Variants in BAMBI observed in about 807,000 individuals in gnomAD.
The protein encoded by BAMBI is BMP and activin membrane bound inhibitor, also known as BMP and activin membrane-bound inhibitor homolog.
In BAMBI, 21 loss-of-function variants were observed where a neutral mutation model predicts 24.1. The observed-to-expected ratio is 0.87, with a 90% CI of 0.62 to 1.26. The LOEUF is 1.26. Ranked by LOEUF, BAMBI falls within the 50% of genes most tolerant of loss-of-function variation. BAMBI has a pLI of 0.00. For missense variants in BAMBI, 388 were observed against 329.1 expected (o/e 1.18, Z -1.38); for synonymous variants, 156 against 123.1 (o/e 1.27, Z -1.77).
chr10:28,678,142 A>G (rs1753070431), intron 1 of BAMBI, among the ~76,000 whole-genome samples, 169 bp downstream of exon 1: 1 of 152,216 alleles, frequency 6.6e-6, no homozygotes, highest in African/African-American at 2.4e-5. Context: ...TGGCGCGTGG[A>G]TGCGGACTCC....
In BAMBI at chr10:28,677,867, G is replaced by A. The variant is rs550984132; in HGVS notation, c.-31G>A. ...CCGCCGAGCCGGGGCTCCGGAAGCC[G>A]GCGGGGGCGCCGCGGCCGTGCGGGG... is the stretch of plus-strand genomic sequence containing the variant. On this transcript the variant is annotated 5_prime_UTR_variant, in exon 1 of 3. Coordinates refer to ENST00000375533, the MANE Select transcript of BAMBI (RefSeq NM_012342.3). 294 of 1,484,472 alleles carry A rather than the reference G, an allele frequency of 2.0e-4. 1 individual carries two copies. The African/African-American group carries it at 3.9e-3, about 20-fold the overall frequency. The allele number at this position is 1,484,472 out of a possible 1,614,324, so 92.0% of individuals were successfully genotyped here.
At position 28,682,473 on chromosome 10, in the gene BAMBI, T is replaced by C; in HGVS notation, c.*72T>C. 2.9e-6 allele frequency: 4 copies of C among 1,366,272 alleles called. No individual in the cohort carries two copies. The highest frequency in any genetic ancestry group is 4.0e-6 in the Non-Finnish European group (4 of 994,828). 84.6% of individuals were successfully genotyped at this position (1,366,272 alleles called of 1,614,324 possible). ...TGAGTTCTGCTGGACAGGAGCACTT[T>C]ATCTGAAGACAAACTCATTTAATCA... On this transcript the variant is annotated 3_prime_UTR_variant, in exon 3 of 3. Coordinates refer to ENST00000375533, the MANE Select transcript of BAMBI (RefSeq NM_012342.3).
intron 1 of BAMBI, 22 bp downstream of exon 1, chr10:28,677,995 G>C: frequency 6.6e-7 from 1 of 1,507,602 alleles, no homozygotes. Flanking sequence ...GGGCGCACGG[G>C]GCCCGGGGTC....
chr10:28,678,482 T>C (rs962372388), intron 1 of BAMBI, among the ~76,000 whole-genome samples: 1 of 152,248 alleles, frequency 6.6e-6, no homozygotes, highest in Non-Finnish European at 1.5e-5. Flanking sequence ...TCTCTGTGTC[T>C]CTTTGAATGT....
intron 2 of BAMBI, 47 bp from the exon 3 acceptor site, chr10:28,681,936 A>G (rs1417199005): frequency 6.7e-7 from 1 of 1,502,476 alleles, no homozygotes; most frequent in East Asian, 2.3e-5. Context: ...GAATATCCCT[A>G]GGAGGAGTTA....
rs1045525611 is a variant in BAMBI, at chr10:28,677,524, C to T, written c.-374C>T. On this transcript the variant is annotated 5_prime_UTR_variant, in exon 1 of 3. Coordinates refer to ENST00000375533, the MANE Select transcript of BAMBI (RefSeq NM_012342.3). ...CGGCGCGGAGCCGGAGAGACCTGGGCTGGCGCGGGCGGGAGCTGCGGCGGA... is the reference window on the plus strand; with the variant it reads ...CGGCGCGGAGCCGGAGAGACCTGGGTTGGCGCGGGCGGGAGCTGCGGCGGA... 1.7e-4 allele frequency: 27 copies of T among 159,060 alleles called. No individual in the cohort carries two copies. The highest frequency in any genetic ancestry group is 2.9e-4 in the Non-Finnish European group (21 of 73,076). 9.9% of individuals were successfully genotyped at this position (159,060 alleles called of 1,614,324 possible). A position where few individuals can be genotyped will look rare whatever the true frequency, so the allele number is the denominator to read the frequency against.
intron 1 of BAMBI, among the ~76,000 whole-genome samples, chr10:28,680,931 A>G (rs1284028733): frequency 6.6e-6 from 1 of 152,272 alleles, no homozygotes; most frequent in East Asian, 1.9e-4. Flanking sequence ...ATGTAGGATT[A>G]AAATGAATAA....
Position 28,678,121 on chromosome 10 carries a change from C to T in BAMBI, c.76+148C>T, listed in dbSNP as rs989240034. Reference sequence around the variant, plus strand: ...CAAGTTGCTGTGTTCTTAGAAGTCGCGGCGGTGGCCTGGCGCGTGGATGCG... The same window carrying T: ...CAAGTTGCTGTGTTCTTAGAAGTCGTGGCGGTGGCCTGGCGCGTGGATGCG... On this transcript the variant is annotated intron_variant, in intron 1 of 2. Coordinates refer to ENST00000375533, the MANE Select transcript of BAMBI (RefSeq NM_012342.3). The T allele has an allele frequency of 1.2e-5, 8 of 649,432 alleles. No homozygotes were observed. In the African/African-American group the frequency reaches 1.3e-4, roughly 11 times the overall value. The allele number at this position is 649,432 out of a possible 1,614,324, so 40.2% of individuals were successfully genotyped here.
In BAMBI at chr10:28,682,443, C is replaced by G; in HGVS notation, c.*42C>G. 6.4e-7 allele frequency: 1 copy of G among 1,552,070 alleles called. No individual in the cohort carries two copies. Among genetic ancestry groups the G allele is most frequent in the African/African-American group, 1.4e-5 (1 of 73,358 alleles). Reference sequence around the variant, plus strand: ...CTACACTTACTGAACAGCTTGAAGGCCTTTTGAGTTCTGCTGGACAGGAGC... The same window carrying G: ...CTACACTTACTGAACAGCTTGAAGGGCTTTTGAGTTCTGCTGGACAGGAGC... On this transcript the variant is annotated 3_prime_UTR_variant, in exon 3 of 3. Coordinates refer to ENST00000375533, the MANE Select transcript of BAMBI (RefSeq NM_012342.3).
chr10:28,679,515 T>G (rs1355820791), intron 1 of BAMBI, among the ~76,000 whole-genome samples: 1 of 149,794 alleles, frequency 6.7e-6, no homozygotes, highest in Non-Finnish European at 1.5e-5. Flanking sequence ...TCTCCTTGCT[T>G]AAAATGTGGC....
chr10:28,682,193 C>T lies in BAMBI; in HGVS notation c.575C>T (p.Ser192Phe). The change falls in exon 3 of 3, where the codon TCC becomes TTC. Residue 192 changes from serine (S) to phenylalanine (F), a missense_variant. By Grantham distance (155) the Ser-to-Phe change is radical. Coordinates refer to ENST00000375533, the MANE Select transcript of BAMBI (RefSeq NM_012342.3). ...RLQDQRQQML[S>F]RLHYSFHGHH... ...CAGGATCAGCGGCAACAGATGCTCT[C>T]CCGTTTGCACTACAGCTTTCACGGA... 1 of 1,614,124 alleles carries T rather than the reference C, an allele frequency of 6.2e-7. No homozygotes were observed. The highest frequency in any genetic ancestry group is 8.5e-7 in the Non-Finnish European group (1 of 1,179,986).
chr10:28,678,642 T>G (rs1165955357), intron 1 of BAMBI, among the ~76,000 whole-genome samples: 2 of 147,088 alleles, frequency 1.4e-5, no homozygotes, highest in Non-Finnish European at 3.0e-5. Context: ...CATCTGAGTC[T>G]CTGTGTGAGT....
In BAMBI at chr10:28,681,254, T is replaced by G. The variant is rs189849567; in HGVS notation, c.77-4T>G. 1 of 1,608,060 alleles carries G rather than the reference T, an allele frequency of 6.2e-7. No homozygotes were observed. Among genetic ancestry groups the G allele is most frequent in the Admixed American group, 1.7e-5 (1 of 59,906 alleles). On this transcript the variant is annotated splice_polypyrimidine_tract_variant and splice_region_variant and intron_variant, in intron 1 of 2. Transcript: ENST00000375533. Reference sequence around the variant, plus strand: ...AGTTTGAGGTGGTTTCTCATTGTTTTCAGGTGAAATTCGATGCTACTGTGA... The same window carrying G: ...AGTTTGAGGTGGTTTCTCATTGTTTGCAGGTGAAATTCGATGCTACTGTGA...
In BAMBI at chr10:28,677,804, A is replaced by C; in HGVS notation, c.-94A>C. On this transcript the variant is annotated 5_prime_UTR_variant, in exon 1 of 3. Coordinates refer to ENST00000375533, the MANE Select transcript of BAMBI (RefSeq NM_012342.3). ...GCTGACGGCGCCCGCCGCTCCGGGC[A>C]GGGCCCATGCCCTGCGCGCTCCGGG... The C allele has an allele frequency of 3.3e-4, 263 of 792,252 alleles. No individual in the cohort carries two copies. The highest frequency in any genetic ancestry group is 6.9e-4 in the East Asian group (16 of 23,152). The allele number at this position is 792,252 out of a possible 1,614,324, so 49.1% of individuals were successfully genotyped here.
In BAMBI at chr10:28,682,114, G is replaced by C. The variant is rs542257648; in HGVS notation, c.496G>C (p.Val166Leu). ...GCCCATTGCTGGAGGGCTGATTTTA[G>C]TGTTGCTTATTATGTTGGCCCTGAG... Reference protein sequence around the residue: ...AVPIAGGLILVLLIMLALRML... With the variant: ...AVPIAGGLILLLLIMLALRML... Residue 166 changes from valine to leucine, a missense_variant, in exon 3 of 3, where the codon GTG (valine) becomes CTG (leucine). Coordinates refer to ENST00000375533, the MANE Select transcript of BAMBI (RefSeq NM_012342.3). 6.2e-7 allele frequency: 1 copy of C among 1,614,156 alleles called. No homozygotes were observed. The highest frequency in any genetic ancestry group is 2.2e-5 in the East Asian group (1 of 44,876).
rs371155683 is a variant in BAMBI, at chr10:28,681,549, G to C, written c.364+4G>C. 3 of 1,611,934 alleles carry C rather than the reference G, an allele frequency of 1.9e-6. No homozygotes were observed. Among genetic ancestry groups the C allele is most frequent in the Non-Finnish European group, 2.5e-6 (3 of 1,178,676 alleles). On this transcript the variant is annotated splice_donor_region_variant and intron_variant, in intron 2 of 2. Transcript: ENST00000375533. ...CCTCCCAGGGGTGAGGCCTCAGGTAGGTGGAAGCCGTTTCTAACCAGAATG... is the reference window on the plus strand; with the variant it reads ...CCTCCCAGGGGTGAGGCCTCAGGTACGTGGAAGCCGTTTCTAACCAGAATG...
Position 28,682,381 on chromosome 10 carries a change from G to GGGAAGCTGGAATTCGTAT in BAMBI, c.765_782dup (p.Val260_Ter261insTrpLysLeuGluPheVal). ...TCACTGGGGCATGTACAGTGGGCACGGGAAGCTGGAATTCGTATGACGGAG... is the reference window on the plus strand; with the variant it reads ...TCACTGGGGCATGTACAGTGGGCACGGGAAGCTGGAATTCGTATGGAAGCTGGAATTCGTATGACGGAG... On this transcript the variant is annotated inframe_insertion, in exon 3 of 3. Transcript: ENST00000375533. 1 of 1,610,242 alleles carries GGGAAGCTGGAATTCGTAT rather than the reference G, an allele frequency of 6.2e-7. No homozygotes were observed. Among genetic ancestry groups the GGGAAGCTGGAATTCGTAT allele is most frequent in the Non-Finnish European group, 8.5e-7 (1 of 1,176,710 alleles).
Position 28,682,666 on chromosome 10 carries a change from A to G in BAMBI, c.*265A>G. ...CACCAGGGTTATTTGCATCCAAGGG[A>G]GCTGGAATTGAGTACCTAAATAAAC... On this transcript the variant is annotated 3_prime_UTR_variant, in exon 3 of 3. Coordinates refer to ENST00000375533, the MANE Select transcript of BAMBI (RefSeq NM_012342.3). The G allele has an allele frequency of 5.8e-6, 2 of 342,296 alleles. No individual in the cohort carries two copies. The highest frequency in any genetic ancestry group is 1.1e-5 in the Non-Finnish European group (2 of 188,870). 21.2% of individuals were successfully genotyped at this position (342,296 alleles called of 1,614,324 possible). A position where few individuals can be genotyped will look rare whatever the true frequency, so the allele number is the denominator to read the frequency against.
Position 28,677,960 on chromosome 10 carries a change from G to A in BAMBI, c.63G>A (p.Val21=), listed in dbSNP as rs768887447. ...WLQLELCAMA[V]LLTKGEIRCY... ...AGCTGGAGCTCTGCGCCATGGCCGT[G>A]CTGCTCACCAAAGGTGGGTGCCGGG... The change falls in exon 1 of 3, where the codon GTG becomes GTA. Residue 21 remains valine, a synonymous_variant. Transcript: ENST00000375533. 18 of 1,529,208 alleles carry A rather than the reference G, an allele frequency of 1.2e-5. No individual in the cohort carries two copies. The highest frequency in any genetic ancestry group is 1.6e-5 in the Non-Finnish European group (18 of 1,144,232). The allele number at this position is 1,529,208 out of a possible 1,614,324, so 94.7% of individuals were successfully genotyped here.
Sources: allele counts gnomAD v4.1 joint callset (sites outside exome capture counted in the v4.1 genomes callset), GRCh38; gene constraint gnomAD v4.1.1; transcripts MANE v1.5; gene names NCBI Gene and HGNC (gene_info 2026-07-23, HGNC 2026-07-21).